ANKS1B: variants seen among roughly 807,000 people sequenced by gnomAD.
ANKS1B encodes ankyrin repeat and sterile alpha motif domain containing 1B, also known as ankyrin repeat and sterile alpha motif domain-containing protein 1B.
In ANKS1B, 36 loss-of-function variants were observed where a neutral mutation model predicts 148.3. The ratio of observed to expected loss-of-function variants is 0.24; its 90% CI spans 0.19 to 0.32. ANKS1B has a LOEUF of 0.32. Ranked by LOEUF, ANKS1B falls within the 10% of genes least tolerant of loss-of-function variation. The pLI is 1.00. For synonymous variants in ANKS1B, 542 were observed against 560.8 expected (o/e 0.97, Z 0.47); for missense variants, 1,157 against 1,542.6 (o/e 0.75, Z 4.19).
At chr12:99,032,403 C>A (rs117832311) in intron 17 of ANKS1B, among the ~76,000 whole-genome samples, 1 of 152,148 alleles carries the variant, frequency 6.6e-6, no homozygotes, top group African/African-American at 2.4e-5. Context: ...AGGGGAGAAT[C>A]CTTCCTTGCT....
At chr12:99,192,396 G>A (rs2080854182) in intron 14 of ANKS1B, among the ~76,000 whole-genome samples, 1 of 151,956 alleles carries the variant, frequency 6.6e-6, no homozygotes, top group Admixed American at 6.6e-5. Flanking sequence ...GTTTCTCTAG[G>A]CCATTGAACT....
rs1366822698 is a variant in ANKS1B, at chr12:99,565,538, T to C, written c.1273-60897A>G. 1.1e-4 allele frequency among the ~76,000 whole-genome samples: 17 copies of C among 152,294 alleles called. No homozygotes were observed. In the East Asian group the frequency reaches 3.3e-3, roughly 29 times the overall value. ...ATCCAGGGAGTAAATGGGAGTTTCT[T>C]GATTAGGTTTCAAGGGCAGAGAATA... On this transcript the variant is annotated intron_variant, in intron 9 of 26. Coordinates refer to ENST00000683438, the MANE Select transcript of ANKS1B (RefSeq NM_001352186.2).
At chr12:99,271,484 CT>C (rs1303100130) in intron 12 of ANKS1B, among the ~76,000 whole-genome samples, 1 of 151,694 alleles carries the variant, frequency 6.6e-6, no homozygotes, top group Non-Finnish European at 1.5e-5. Context: ...ATAATGTTTT[CT>C]TTACATTAGT....
chr12:99,386,952 C>T (rs1444859578), intron 12 of ANKS1B, among the ~76,000 whole-genome samples: 1 of 152,202 alleles, frequency 6.6e-6, no homozygotes, highest in Non-Finnish European at 1.5e-5. Context: ...AATATTCTTT[C>T]AGTGATTCAA....
At chr12:99,316,428 T>C (rs567493855) in intron 12 of ANKS1B, among the ~76,000 whole-genome samples, 79 of 152,244 alleles carry the variant, frequency 5.2e-4, no homozygotes, top group Non-Finnish European at 9.8e-4. Context: ...CCAGTGATGA[T>C]AAGCATTTTT....
intron 15 of ANKS1B, among the ~76,000 whole-genome samples, chr12:99,089,343 G>A (rs1410359613): frequency 6.6e-6 from 1 of 151,964 alleles, no homozygotes; most frequent in Non-Finnish European, 1.5e-5. Flanking sequence ...AGAATAAGCT[G>A]TTCCCCCCCA....
chr12:99,334,179 C>CAGAT (rs1286980273), intron 12 of ANKS1B, among the ~76,000 whole-genome samples: 20 of 126,926 alleles, frequency 1.6e-4, no homozygotes, highest in Admixed American at 3.7e-4. Flanking sequence ...GACAGACAGA[C>CAGAT]AGATAGATAG....
chr12:99,264,660 T>C (rs2153984519), intron 12 of ANKS1B, among the ~76,000 whole-genome samples: 1 of 152,250 alleles, frequency 6.6e-6, no homozygotes, highest in African/African-American at 2.4e-5. Context: ...GAGCCTTCTC[T>C]TTTGAGGTAT....
intron 14 of ANKS1B, among the ~76,000 whole-genome samples, chr12:99,171,557 T>G (rs1425173152): frequency 6.6e-6 from 1 of 152,174 alleles, no homozygotes; most frequent in Non-Finnish European, 1.5e-5. Flanking sequence ...CCTAAGGCCT[T>G]GCATTTTATT....
intron 1 of ANKS1B, among the ~76,000 whole-genome samples, chr12:99,975,309 T>C (rs2095612774): frequency 6.6e-6 from 1 of 152,202 alleles, no homozygotes; most frequent in Admixed American, 6.5e-5. Context: ...AGCTGCTTCT[T>C]TCTAAAAGCT....
intron 8 of ANKS1B, among the ~76,000 whole-genome samples, chr12:99,760,093 A>G (rs2061942695): frequency 6.6e-6 from 1 of 151,936 alleles, no homozygotes; most frequent in Non-Finnish European, 1.5e-5. Context: ...TAGAATGCTC[A>G]TAATATAGAT....
chr12:98,931,342 G>T (rs1433233414), intron 17 of ANKS1B, among the ~76,000 whole-genome samples: 1 of 152,226 alleles, frequency 6.6e-6, no homozygotes, highest in Non-Finnish European at 1.5e-5. Flanking sequence ...TGTTTTTTAT[G>T]ACCTGAAAAT....
At chr12:99,094,855 T>C (rs1028894846) in intron 15 of ANKS1B, among the ~76,000 whole-genome samples, 48 of 152,266 alleles carry the variant, frequency 3.2e-4, no homozygotes, top group Non-Finnish European at 8.8e-5. Context: ...ATATACTAAT[T>C]TGCATCTTCA....
At chr12:99,179,428 C>CAAA (rs59979808) in intron 14 of ANKS1B, among the ~76,000 whole-genome samples, 22 of 72,920 alleles carry the variant, frequency 3.0e-4, no homozygotes, top group African/African-American at 9.4e-4. Context: ...GACTCTGTCT[C>CAAA]AAAAAAAAAA....
chr12:99,341,726 TGTAA>T (rs1289846626), intron 12 of ANKS1B, among the ~76,000 whole-genome samples: 6 of 152,202 alleles, frequency 3.9e-5, no homozygotes, highest in African/African-American at 1.4e-4. Flanking sequence ...TGGTAAGTAC[TGTAA>T]GTAGGTAGAG....
chr12:99,676,016 C>A (rs2098565589), intron 8 of ANKS1B, among the ~76,000 whole-genome samples: 1 of 152,192 alleles, frequency 6.6e-6, no homozygotes, highest in African/African-American at 2.4e-5. Flanking sequence ...TTTGGAGGGA[C>A]CCAGTGGGAG....
intron 15 of ANKS1B, among the ~76,000 whole-genome samples, chr12:99,120,377 C>T (rs1441759429): frequency 6.6e-6 from 1 of 152,168 alleles, no homozygotes; most frequent in Non-Finnish European, 1.5e-5. Context: ...ACTACACATG[C>T]CATTATTTCA....
At chr12:99,114,421 A>G (rs1481694650) in intron 15 of ANKS1B, among the ~76,000 whole-genome samples, 1 of 152,210 alleles carries the variant, frequency 6.6e-6, no homozygotes, top group Non-Finnish European at 1.5e-5. Context: ...TTTGCAAACT[A>G]TGCATCTGAC....
chr12:99,478,191 A>T (rs1316508354), intron 10 of ANKS1B, among the ~76,000 whole-genome samples: 1 of 152,162 alleles, frequency 6.6e-6, no homozygotes, highest in Non-Finnish European at 1.5e-5. Flanking sequence ...TTCAGGGTCC[A>T]GCTCTTTCAT....
Sources: gnomAD v4.1 joint callset for allele counts (sites outside exome capture counted in the v4.1 genomes callset) on GRCh38, gnomAD v4.1.1 for gene constraint, MANE v1.5 for transcripts, NCBI Gene and HGNC (gene_info 2026-07-23, HGNC 2026-07-21) for gene names.